Variants in ELOVL6 observed in about 807,000 individuals in gnomAD.
ELOVL6 encodes very long chain fatty acid elongase 6.
In ELOVL6, 8 loss-of-function variants were observed where a neutral mutation model predicts 31.7. The observed-to-expected ratio is 0.25, with a 90% CI of 0.15 to 0.45. The LOEUF (loss-of-function observed/expected upper bound fraction) is 0.45. Ranked by LOEUF, ELOVL6 falls within the 20% of genes least tolerant of loss-of-function variation. The probability of loss-of-function intolerance (pLI) is 1.00; values close to 1 mark genes in which losing one functional copy is unlikely to be tolerated. For synonymous variants in ELOVL6, 101 were observed against 117.7 expected (o/e 0.86, Z 0.92); for missense variants, 126 against 326.4 (o/e 0.39, Z 4.73).
intron 1 of ELOVL6, among the ~76,000 whole-genome samples, chr4:110,193,342 A>G (rs895022172): frequency 4.6e-5 from 7 of 152,204 alleles, no homozygotes; most frequent in Admixed American, 1.3e-4. Flanking sequence ...CAGTGGCTCA[A>G]GCCTGTTATC....
At chr4:110,071,689 C>A (rs983377694) in intron 2 of ELOVL6, among the ~76,000 whole-genome samples, 1 of 152,198 alleles carries the variant, frequency 6.6e-6, no homozygotes, top group South Asian at 2.1e-4. Flanking sequence ...CCAAGATCCA[C>A]TGCCTGCTCA....
chr4:110,084,400 T>TCACACATATCATACATATCA (rs1560815193), intron 2 of ELOVL6, among the ~76,000 whole-genome samples: 1 of 91,556 alleles, frequency 1.1e-5, no homozygotes, highest in Non-Finnish European at 2.3e-5. Flanking sequence ...ATATGATATA[T>TCACACATATCATACATATCA]GATATATGAC....
intron 1 of ELOVL6, 194 bp downstream of exon 1, chr4:110,198,053 C>A: frequency 1.6e-6 from 1 of 626,718 alleles, no homozygotes; most frequent in Non-Finnish European, 2.8e-6. Flanking sequence ...CAGGGGCACC[C>A]ACAGACCTCG....
chr4:110,121,102 G>A (rs1018887164), intron 1 of ELOVL6, among the ~76,000 whole-genome samples: 2 of 152,144 alleles, frequency 1.3e-5, no homozygotes, highest in Admixed American at 6.5e-5. Flanking sequence ...ATGGGTGGAT[G>A]TAAGCCAAGA....
chr4:110,133,848 T>TCTA (rs1369223736), intron 1 of ELOVL6, among the ~76,000 whole-genome samples: 1 of 152,242 alleles, frequency 6.6e-6, no homozygotes, highest in African/African-American at 2.4e-5. Flanking sequence ...TGATTAAATG[T>TCTA]CTATTACTTA....
At chr4:110,120,229 T>C (rs1757304851) in intron 1 of ELOVL6, among the ~76,000 whole-genome samples, 1 of 152,164 alleles carries the variant, frequency 6.6e-6, no homozygotes, top group African/African-American at 2.4e-5. Flanking sequence ...TTTGCTTTTC[T>C]TGTCTTTTTT....
chr4:110,190,919 T>C (rs1030504438), intron 1 of ELOVL6, among the ~76,000 whole-genome samples: 4 of 151,962 alleles, frequency 2.6e-5, no homozygotes, highest in African/African-American at 9.7e-5. Flanking sequence ...TCCAGGTTCA[T>C]GCCATTCTTG....
chr4:110,168,017 G>T (rs1052839283), intron 1 of ELOVL6, among the ~76,000 whole-genome samples: 4 of 152,078 alleles, frequency 2.6e-5, no homozygotes, highest in Non-Finnish European at 4.4e-5. Context: ...CAATTGGAAG[G>T]TATAGTTAGA....
chr4:110,179,998 T>C (rs1759223752), intron 1 of ELOVL6, among the ~76,000 whole-genome samples: 2 of 152,240 alleles, frequency 1.3e-5, no homozygotes, highest in African/African-American at 4.8e-5. Context: ...GGACACTGAA[T>C]GCTCTGTGGG....
chr4:110,071,226 C>T (rs1469862268), intron 2 of ELOVL6, among the ~76,000 whole-genome samples: 1 of 152,166 alleles, frequency 6.6e-6, no homozygotes, highest in Admixed American at 6.5e-5. Context: ...AGATCCATTC[C>T]ATCTTTACAA....
intron 1 of ELOVL6, among the ~76,000 whole-genome samples, chr4:110,195,770 C>G (rs1759755267): frequency 6.6e-6 from 1 of 152,194 alleles, no homozygotes; most frequent in South Asian, 2.1e-4. Flanking sequence ...GGGCACCAAT[C>G]ACCATTTCAA....
intron 1 of ELOVL6, among the ~76,000 whole-genome samples, chr4:110,121,002 C>T (rs536405747): frequency 1.5e-4 from 23 of 151,916 alleles, no homozygotes; most frequent in South Asian, 6.2e-4. Flanking sequence ...GGCTTCGCCA[C>T]GTTGGCCAGG....
At chr4:110,135,590 A>G (rs1757789128) in intron 1 of ELOVL6, among the ~76,000 whole-genome samples, 1 of 152,198 alleles carries the variant, frequency 6.6e-6, no homozygotes, top group South Asian at 2.1e-4. Flanking sequence ...TTAAATAGGT[A>G]AGTTCAAGGG....
chr4:110,104,158 A>G (rs79996055), intron 2 of ELOVL6, among the ~76,000 whole-genome samples: 8,115 of 152,314 alleles, frequency 0.053, 288 homozygotes, highest in Non-Finnish European at 0.077. Flanking sequence ...GGTGCAGGGA[A>G]TATTGAAAAA....
rs1273265900 is a variant in ELOVL6 at position 110,048,048 on chromosome 4, C to T, written c.*3290G>A. The T allele has an allele frequency of 6.6e-6, 1 of 152,144 alleles. No homozygotes were observed. The highest frequency in any genetic ancestry group is 2.4e-5 in the African/African-American group (1 of 41,416). The allele number at this position is 152,144 out of a possible 1,614,324, so 9.4% of individuals were successfully genotyped here. ...GTCTCTTTTCTCATCAGTTTCTTTA[C>T]ATGAGCAGAGAGGTGGAGAAGCGAG... On this transcript the variant is annotated 3_prime_UTR_variant, in exon 4 of 4. Transcript: ENST00000302274.
chr4:110,172,282 G>A (rs1758971911), intron 1 of ELOVL6, among the ~76,000 whole-genome samples: 1 of 152,150 alleles, frequency 6.6e-6, no homozygotes, highest in Admixed American at 6.6e-5. Flanking sequence ...GGGTAGTGGT[G>A]TGAGAACAGA....
At chr4:110,081,769 T>C (rs1426958549) in intron 2 of ELOVL6, among the ~76,000 whole-genome samples, 1 of 149,548 alleles carries the variant, frequency 6.7e-6, no homozygotes, top group East Asian at 1.9e-4. Context: ...AAAGAGCTTC[T>C]GCACAGCAAA....
intron 1 of ELOVL6, among the ~76,000 whole-genome samples, chr4:110,138,848 G>A: frequency 6.6e-6 from 1 of 152,110 alleles, no homozygotes; most frequent in Admixed American, 6.6e-5. Context: ...AATGATTACA[G>A]ATTAAACATA....
intron 2 of ELOVL6, among the ~76,000 whole-genome samples, chr4:110,070,770 A>G (rs937418290): frequency 1.3e-5 from 2 of 152,114 alleles, no homozygotes; most frequent in African/African-American, 4.8e-5. Context: ...TTCGGCCAGT[A>G]AGATATGCCT....
Sources: gnomAD v4.1 joint callset for allele counts (sites outside exome capture counted in the v4.1 genomes callset) on GRCh38, gnomAD v4.1.1 for gene constraint, MANE v1.5 for transcripts, NCBI Gene and HGNC (gene_info 2026-07-23, HGNC 2026-07-21) for gene names.